The following ADGRL3 variants were observed in gnomAD, a reference collection of about 807,000 sequenced individuals.
The protein encoded by ADGRL3 is adhesion G protein-coupled receptor L3.
In ADGRL3, 62 loss-of-function variants were observed where a neutral mutation model predicts 153.5. The observed-to-expected ratio is 0.40, with a 90% CI of 0.33 to 0.50. The LOEUF (loss-of-function observed/expected upper bound fraction) is 0.50, where lower values mean the gene tolerates loss of function less well. ADGRL3 is among the 20% of genes least tolerant of loss of function. The pLI, the probability that ADGRL3 is intolerant of heterozygous loss-of-function variation, is 0.47. For missense variants in ADGRL3, 1,641 were observed against 1,859.4 expected (o/e 0.88, Z 2.16); for synonymous variants, 710 against 672.5 (o/e 1.06, Z -0.86).
intron 9 of ADGRL3, among the ~76,000 whole-genome samples, chr4:61,862,655 A>T (rs774980149): frequency 6.6e-6 from 1 of 152,078 alleles, no homozygotes; most frequent in Non-Finnish European, 1.5e-5. Context: ...TGCAATTCAG[A>T]GTGTGATCCC....
intron 4 of ADGRL3, among the ~76,000 whole-genome samples, chr4:61,580,721 A>T (rs2098921206): frequency 1.3e-5 from 2 of 152,006 alleles, no homozygotes; most frequent in African/African-American, 2.4e-5. Context: ...TGTGCATCCG[A>T]AGTTCATCCT....
chr4:61,993,985 C>T (rs1390841615), intron 19 of ADGRL3, among the ~76,000 whole-genome samples: 8 of 152,160 alleles, frequency 5.3e-5, no homozygotes, highest in Non-Finnish European at 7.4e-5. Context: ...AGCATTTTTT[C>T]GAACAGGTTT....
chr4:61,755,938 G>A (rs1427365409), intron 8 of ADGRL3, among the ~76,000 whole-genome samples: 4 of 151,938 alleles, frequency 2.6e-5, no homozygotes, highest in Admixed American at 1.3e-4. Context: ...GTAGATATGC[G>A]GCATTATATC....
intron 8 of ADGRL3, among the ~76,000 whole-genome samples, chr4:61,789,838 T>G (rs2097320910): frequency 6.6e-6 from 1 of 152,174 alleles, no homozygotes; most frequent in Admixed American, 6.5e-5. Context: ...GAAAAAATGT[T>G]GAATAATCAA....
At chr4:61,915,797 C>G (rs528478036) in intron 13 of ADGRL3, among the ~76,000 whole-genome samples, 1 of 152,078 alleles carries the variant, frequency 6.6e-6, no homozygotes, top group African/African-American at 2.4e-5. Context: ...TTTATGTGTC[C>G]TATTTCTATT....
intron 4 of ADGRL3, 65 bp from the exon 5 acceptor site, chr4:61,587,162 C>A: frequency 9.7e-7 from 1 of 1,032,784 alleles, no homozygotes; most frequent in Non-Finnish European, 1.4e-6. Context: ...GAAAAGCGAA[C>A]ACATGTAATT....
At chr4:61,310,826 G>A (rs959049566) in intron 1 of ADGRL3, among the ~76,000 whole-genome samples, 14 of 150,742 alleles carry the variant, frequency 9.3e-5, no homozygotes, top group African/African-American at 1.5e-4. Flanking sequence ...AATCACCTCC[G>A]GCTGAGTGCT....
At chr4:61,604,036 C>A (rs1460126641) in intron 5 of ADGRL3, among the ~76,000 whole-genome samples, 1 of 152,120 alleles carries the variant, frequency 6.6e-6, no homozygotes, top group South Asian at 2.1e-4. Flanking sequence ...AATTTGAATT[C>A]TAATTTTAGT....
At chr4:62,006,034 T>A (rs34195896) in intron 21 of ADGRL3, among the ~76,000 whole-genome samples, 6,791 of 93,922 alleles carry the variant, frequency 0.072, 313 homozygotes, top group Non-Finnish European at 0.1. Flanking sequence ...ATATATATAT[T>A]TTTTTTTTTT....
intron 25 of ADGRL3, among the ~76,000 whole-genome samples, chr4:62,047,643 T>C (rs1731819922): frequency 1.3e-5 from 2 of 152,150 alleles, no homozygotes; most frequent in African/African-American, 4.8e-5. Context: ...AGTATATTAA[T>C]TCCTTTATAT....
intron 13 of ADGRL3, among the ~76,000 whole-genome samples, chr4:61,934,319 T>C (rs2098829497): frequency 6.6e-6 from 1 of 152,168 alleles, no homozygotes; most frequent in Non-Finnish European, 1.5e-5. Context: ...CATTCTGACA[T>C]TTTACTAGCT....
At chr4:61,465,179 A>G (rs1188658914) in intron 2 of ADGRL3, among the ~76,000 whole-genome samples, 1 of 152,212 alleles carries the variant, frequency 6.6e-6, no homozygotes, top group Non-Finnish European at 1.5e-5. Flanking sequence ...TTGTATATCA[A>G]TTAAAATATC....
chr4:62,000,879 T>C (rs2099137985), intron 21 of ADGRL3, among the ~76,000 whole-genome samples: 1 of 152,062 alleles, frequency 6.6e-6, no homozygotes, highest in African/African-American at 2.4e-5. Context: ...CCTCCTGGGC[T>C]CAAGATACCC....
chr4:61,878,954 T>G (rs887520778), intron 9 of ADGRL3, among the ~76,000 whole-genome samples: 1 of 152,250 alleles, frequency 6.6e-6, no homozygotes, highest in Non-Finnish European at 1.5e-5. Flanking sequence ...CTTCTTCATA[T>G]TGTACATTTT....
intron 19 of ADGRL3, among the ~76,000 whole-genome samples, chr4:61,984,267 C>T (rs1279093644): frequency 6.6e-6 from 1 of 151,960 alleles, no homozygotes; most frequent in East Asian, 1.9e-4. Context: ...CAAGATAGAC[C>T]TCTGATGAAT....
intron 1 of ADGRL3, among the ~76,000 whole-genome samples, chr4:61,348,120 C>T (rs934575479): frequency 8.6e-5 from 13 of 151,946 alleles, no homozygotes; most frequent in South Asian, 2.1e-4. Context: ...AAAAATAAAA[C>T]GTAGATTACC....
chr4:61,423,954 A>G (rs762840492), intron 2 of ADGRL3, among the ~76,000 whole-genome samples: 4 of 152,174 alleles, frequency 2.6e-5, no homozygotes, highest in Non-Finnish European at 4.4e-5. Context: ...AAGGAGGCCA[A>G]TAAGGGTGAA....
intron 1 of ADGRL3, among the ~76,000 whole-genome samples, chr4:61,357,379 G>C (rs532271469): frequency 6.6e-6 from 1 of 152,138 alleles, no homozygotes; most frequent in Admixed American, 6.5e-5. Flanking sequence ...GAGCATGCTG[G>C]TGTTTTTCCA....
rs1455587540 is a variant in ADGRL3, at chr4:61,200,566, G to C, written c.-1439G>C. ...TCGGACTGCTCGTTGCCTCCGCTCCGGCAGCTGCTGCCGCCGCCACCGCCG... is the reference window on the plus strand; with the variant it reads ...TCGGACTGCTCGTTGCCTCCGCTCCCGCAGCTGCTGCCGCCGCCACCGCCG... On this transcript the variant is annotated 5_prime_UTR_variant, in exon 1 of 27. Coordinates refer to ENST00000683033, the MANE Select transcript of ADGRL3 (RefSeq NM_001387552.1). Among the ~76,000 whole-genome samples the C allele has an allele frequency of 3.3e-5, 5 of 151,184 alleles. No individual in the cohort carries two copies. Among genetic ancestry groups the C allele is most frequent in the East Asian group, 4.0e-4 (2 of 5,050 alleles).
Sources: gnomAD v4.1 joint callset for allele counts (sites outside exome capture counted in the v4.1 genomes callset) on GRCh38, gnomAD v4.1.1 for gene constraint, MANE v1.5 for transcripts, NCBI Gene and HGNC (gene_info 2026-07-23, HGNC 2026-07-21) for gene names.